The following PABPC4L variants were observed in gnomAD, a reference collection of about 807,000 sequenced individuals.
PABPC4L encodes the protein polyadenylate-binding protein 4-like.
For synonymous variants in PABPC4L, 169 were observed against 164.1 expected (o/e 1.03, Z -0.23); for missense variants, 452 against 451.4 (o/e 1.00, Z -0.01).
At chr4:134,044,615 C>T in the PABPC4L span, among the ~76,000 whole-genome samples, 1 of 152,090 alleles carries the variant, frequency 6.6e-6, no homozygotes, top group African/African-American at 2.4e-5. Context: ...AGACATGCTC[C>T]ATGTTCTTTC....
At chr4:134,048,968 A>T in the PABPC4L span, among the ~76,000 whole-genome samples, 1 of 152,092 alleles carries the variant, frequency 6.6e-6, no homozygotes, top group South Asian at 2.1e-4. Flanking sequence ...AAAATTCTAG[A>T]TTCAAGTATA....
the PABPC4L span, among the ~76,000 whole-genome samples, chr4:134,047,949 T>C: frequency 1.9e-3 from 286 of 152,260 alleles, 1 homozygote; most frequent in Non-Finnish European, 3.0e-3. Flanking sequence ...TACATTAATT[T>C]TGAAATTTTC....
the PABPC4L span, among the ~76,000 whole-genome samples, chr4:134,020,026 A>T: frequency 1.3e-5 from 2 of 152,096 alleles, no homozygotes; most frequent in Non-Finnish European, 2.9e-5. Context: ...TCAAGTTAAG[A>T]GCTGAAATAT....
chr4:134,175,603 C>T, the PABPC4L span, among the ~76,000 whole-genome samples: 2 of 152,140 alleles, frequency 1.3e-5, no homozygotes, highest in Admixed American at 6.5e-5. Flanking sequence ...CATGTGCCAT[C>T]ACGTCTGGCT....
the PABPC4L span, among the ~76,000 whole-genome samples, chr4:134,070,847 G>T: frequency 6.6e-6 from 1 of 152,130 alleles, no homozygotes; most frequent in African/African-American, 2.4e-5. Context: ...GAGGCCAGCA[G>T]AAAAGAGAGA....
At chr4:134,201,387 C>T in intron 1 of PABPC4L, 142 bp from the exon 2 acceptor site, 2 of 990,272 alleles carry the variant, frequency 2.0e-6, no homozygotes, top group South Asian at 1.7e-5. Context: ...TAAAAATAGG[C>T]CTCGCTCAGA....
the PABPC4L span, among the ~76,000 whole-genome samples, chr4:134,072,707 G>A: frequency 2.0e-5 from 3 of 152,100 alleles, no homozygotes; most frequent in East Asian, 1.9e-4. Context: ...ATTTATAAAG[G>A]AAAGAGGCTT....
In PABPC4L at chr4:134,200,011, T is replaced by A; in HGVS notation, c.1009A>T (p.Ile337Phe). Residue 337 changes from isoleucine (I) to phenylalanine (F), a missense_variant, in exon 2 of 2, where the codon ATC becomes TTC. Transcript: ENST00000421491. ...EEGQSKGFGL[I>F]CFSSPEDATK... is the part of the protein sequence containing the mutation. The stretch of plus-strand genomic sequence containing the variant: ...GCATCCTCAGGAGAGGAGAAGCAGA[T>A]CAAGCCAAACCCTTTGCTCTGCCCC... 1 of 1,551,646 alleles carries A rather than the reference T, an allele frequency of 6.4e-7. No individual in the cohort carries two copies. The highest frequency in any genetic ancestry group is 1.7e-4 in the Middle Eastern group (1 of 5,992).
At chr4:133,991,196 G>T in the PABPC4L span, among the ~76,000 whole-genome samples, 6 of 152,152 alleles carry the variant, frequency 3.9e-5, no homozygotes, top group African/African-American at 1.4e-4. Flanking sequence ...AGGAGCGGGG[G>T]TCTATCCAAG....
chr4:133,982,575 G>T, the PABPC4L span, among the ~76,000 whole-genome samples: 1 of 151,886 alleles, frequency 6.6e-6, no homozygotes, highest in African/African-American at 2.4e-5. Flanking sequence ...TTTAAAGAAA[G>T]TGTTTATTAA....
chr4:134,102,478 A>G, the PABPC4L span, among the ~76,000 whole-genome samples: 1 of 151,466 alleles, frequency 6.6e-6, no homozygotes, highest in Non-Finnish European at 1.5e-5. Context: ...CATGAGAATT[A>G]TAATGTTTAA....
At chr4:134,045,132 C>T in the PABPC4L span, among the ~76,000 whole-genome samples, 3 of 152,070 alleles carry the variant, frequency 2.0e-5, no homozygotes, top group African/African-American at 4.8e-5. Context: ...ACTTTACTAA[C>T]ATTATGCATT....
the PABPC4L span, among the ~76,000 whole-genome samples, chr4:134,182,765 A>G: frequency 1.3e-5 from 2 of 151,992 alleles, no homozygotes; most frequent in Non-Finnish European, 2.9e-5. Flanking sequence ...ACAAGCAAAA[A>G]CTAAACAACC....
chr4:134,179,911 T>C, the PABPC4L span, among the ~76,000 whole-genome samples: 1 of 152,216 alleles, frequency 6.6e-6, no homozygotes, highest in South Asian at 2.1e-4. Flanking sequence ...CCTATTAAGA[T>C]ACTTAGATAA....
chr4:134,191,647 GA>G (rs558879054), downstream of PABPC4L, among the ~76,000 whole-genome samples: 286 of 152,056 alleles, frequency 1.9e-3, 3 homozygotes, highest in African/African-American at 6.5e-3. Context: ...TGGTTTCAAT[GA>G]AAACAAAACA....
the PABPC4L span, among the ~76,000 whole-genome samples, chr4:133,963,685 G>T: frequency 6.6e-6 from 1 of 151,950 alleles, no homozygotes; most frequent in African/African-American, 2.4e-5. Context: ...AACTTCAAAG[G>T]CACCTGCAAA....
At chr4:133,970,234 G>A in the PABPC4L span, among the ~76,000 whole-genome samples, 39 of 151,856 alleles carry the variant, frequency 2.6e-4, no homozygotes, top group Non-Finnish European at 4.7e-4. Context: ...ACATTGTCTC[G>A]ATTTTTCTGC....
At chr4:134,044,751 A>G in the PABPC4L span, among the ~76,000 whole-genome samples, 1 of 152,190 alleles carries the variant, frequency 6.6e-6, no homozygotes, top group Non-Finnish European at 1.5e-5. Flanking sequence ...TATTTTCAAC[A>G]TATGTTAATA....
the PABPC4L span, among the ~76,000 whole-genome samples, chr4:134,058,414 A>T: frequency 1.3e-5 from 2 of 151,992 alleles, no homozygotes; most frequent in African/African-American, 2.4e-5. Context: ...TGCTTCAAAG[A>T]ACAATATTTG....
Sources: gnomAD v4.1 joint callset for allele counts (sites outside exome capture counted in the v4.1 genomes callset) on GRCh38, gnomAD v4.1.1 for gene constraint, MANE v1.5 for transcripts, NCBI Gene and HGNC (gene_info 2026-07-23, HGNC 2026-07-21) for gene names.